Variants in LAPTM4B observed in about 807,000 individuals in gnomAD.
LAPTM4B encodes the protein lysosomal-associated transmembrane protein 4B.
Under a neutral mutation model 28.5 loss-of-function variants are expected in LAPTM4B, and 26 were observed. The observed-to-expected ratio is 0.91, with a 90% CI of 0.67 to 1.27. LAPTM4B has a LOEUF of 1.27. LAPTM4B is among the 50% of genes most tolerant of loss of function. The probability of loss-of-function intolerance (pLI) is 0.00; values close to 1 mark genes in which losing one functional copy is unlikely to be tolerated. For missense variants in LAPTM4B, 288 were observed against 285.8 expected, an observed-to-expected ratio of 1.01 and a Z score of -0.06; for synonymous variants, 109 against 106.4, an observed-to-expected ratio of 1.02 and a Z score of -0.15.
chr8:97,781,521 G>C (rs1344377201), intron 1 of LAPTM4B, among the ~76,000 whole-genome samples: 1 of 140,442 alleles, frequency 7.1e-6, no homozygotes, highest in African/African-American at 2.7e-5. Context: ...CAGGTGATCC[G>C]CCCGCCTCGG....
chr8:97,810,241 A>C (rs2129780477), intron 2 of LAPTM4B, among the ~76,000 whole-genome samples: 1 of 152,296 alleles, frequency 6.6e-6, no homozygotes, highest in East Asian at 1.9e-4. Flanking sequence ...TCAGTGTTAT[A>C]AAAATTGACT....
chr8:97,783,062 C>T (rs887420558), intron 1 of LAPTM4B, among the ~76,000 whole-genome samples: 9 of 138,484 alleles, frequency 6.5e-5, no homozygotes, highest in Admixed American at 1.5e-4. Flanking sequence ...TGTGAGCCAC[C>T]GCGCCCGGCC....
At chr8:97,789,046 ATT>A in intron 1 of LAPTM4B, among the ~76,000 whole-genome samples, 1 of 12,040 alleles carries the variant, frequency 8.3e-5, no homozygotes, top group East Asian at 2.2e-3. Flanking sequence ...CTCTTTATTT[ATT>A]TATTTATTTA....
intron 2 of LAPTM4B, 66 bp from the exon 3 acceptor site, chr8:97,815,260 CTG>C (rs1291036687): frequency 3.5e-6 from 4 of 1,154,432 alleles, no homozygotes; most frequent in African/African-American, 1.5e-5. Context: ...TGAGAAGAGA[CTG>C]AAAGTATTCA....
intron 1 of LAPTM4B, among the ~76,000 whole-genome samples, chr8:97,801,107 A>G (rs1302216298): frequency 6.6e-6 from 1 of 151,312 alleles, no homozygotes; most frequent in Admixed American, 6.6e-5. Flanking sequence ...ATGTTTTTTC[A>G]TTTCAGCTTT....
chr8:97,776,457 C>T (rs1208539292), intron 1 of LAPTM4B, among the ~76,000 whole-genome samples: 1 of 152,254 alleles, frequency 6.6e-6, no homozygotes, highest in East Asian at 1.9e-4. Flanking sequence ...CTGCCGAGCA[C>T]GTGTTTCCTT....
At chr8:97,801,282 A>G (rs1563606644) in intron 1 of LAPTM4B, among the ~76,000 whole-genome samples, 1 of 151,186 alleles carries the variant, frequency 6.6e-6, no homozygotes, top group Non-Finnish European at 1.5e-5. Context: ...ACTGGGTTCA[A>G]GCGATTCTCC....
intron 6 of LAPTM4B, among the ~76,000 whole-genome samples, chr8:97,839,208 T>C (rs1261887764): frequency 6.6e-6 from 1 of 152,224 alleles, no homozygotes; most frequent in Non-Finnish European, 1.5e-5. Context: ...GTTTTGTTTT[T>C]GGTGAGATGG....
rs756586269 is a variant in LAPTM4B, at chr8:97,816,195, T to C, written c.408+15T>C. 1.9e-6 allele frequency: 3 copies of C among 1,583,276 alleles called. No homozygotes were observed. The African/African-American group carries it at 4.0e-5, about 21-fold the overall frequency. ...TACGGCAACTGGTACGTGGACCTCT[T>C]ACTGCTCCTTTTCATTAATTCTTTT... is the stretch of plus-strand genomic sequence containing the variant. On this transcript the variant is annotated intron_variant, in intron 4 of 6. Coordinates refer to ENST00000521545, the MANE Select transcript of LAPTM4B (RefSeq NM_018407.6).
intron 5 of LAPTM4B, among the ~76,000 whole-genome samples, chr8:97,822,082 G>A (rs1039895663): frequency 1.6e-4 from 24 of 152,004 alleles, no homozygotes; most frequent in African/African-American, 4.8e-4. Flanking sequence ...CAGCTCCTCC[G>A]CTCCAGTTTC....
intron 6 of LAPTM4B, among the ~76,000 whole-genome samples, chr8:97,827,860 GGGGAAGGGGTCACAGGC>G (rs1244362926): frequency 1.3e-5 from 2 of 152,162 alleles, no homozygotes; most frequent in Non-Finnish European, 2.9e-5. Flanking sequence ...ATTGCGGGCA[GGGGAAGGGGTCACAGGC>G]GGGAAGGGTC....
chr8:97,829,614 C>T lies in LAPTM4B; in HGVS notation c.603+4461C>T, dbSNP rs1302368063. On this transcript the variant is annotated intron_variant, in intron 6 of 6. Coordinates refer to ENST00000521545, the MANE Select transcript of LAPTM4B (RefSeq NM_018407.6). ...GGAATTGATGTAGGGAGATAGACCT[C>T]GTAGGTAGGTAGGGAGAAGAGCAGC... 5.9e-5 allele frequency among the ~76,000 whole-genome samples: 9 copies of T among 151,664 alleles called. No individual in the cohort carries two copies. The South Asian group carries it at 6.3e-4, about 11-fold the overall frequency.
At chr8:97,819,057 A>T in intron 4 of LAPTM4B, 83 bp from the exon 5 acceptor site, 1 of 834,252 alleles carries the variant, frequency 1.2e-6, no homozygotes, top group Non-Finnish European at 2.0e-6. Context: ...TTGCTTTCTG[A>T]TAAGCATGTC....
At chr8:97,822,983 A>G (rs1439551679) in intron 5 of LAPTM4B, among the ~76,000 whole-genome samples, 1 of 152,012 alleles carries the variant, frequency 6.6e-6, no homozygotes, top group Non-Finnish European at 1.5e-5. Flanking sequence ...TTGGGACTAC[A>G]GGCGCCTGCC....
At chr8:97,836,522 C>T (rs1817261789) in intron 6 of LAPTM4B, among the ~76,000 whole-genome samples, 1 of 152,024 alleles carries the variant, frequency 6.6e-6, no homozygotes. Context: ...ACCTATGTGA[C>T]CTTGTTTACT....
intron 1 of LAPTM4B, among the ~76,000 whole-genome samples, chr8:97,792,995 T>C (rs771533202): frequency 6.6e-6 from 1 of 151,932 alleles, no homozygotes; most frequent in Non-Finnish European, 1.5e-5. Flanking sequence ...TCAGAAATCA[T>C]ACAAAGGATA....
At chr8:97,847,603 G>GT (rs1217957081) in intron 6 of LAPTM4B, among the ~76,000 whole-genome samples, 1 of 152,152 alleles carries the variant, frequency 6.6e-6, no homozygotes. Flanking sequence ...TCAGATTTTA[G>GT]TATACTTGAC....
chr8:97,803,560 C>T (rs1054056254), intron 1 of LAPTM4B, among the ~76,000 whole-genome samples: 1 of 152,196 alleles, frequency 6.6e-6, no homozygotes, highest in Non-Finnish European at 1.5e-5. Flanking sequence ...AGGTGTGAGC[C>T]ACCGTGCCGG....
At chr8:97,798,093 G>A (rs1816619051) in intron 1 of LAPTM4B, among the ~76,000 whole-genome samples, 1 of 152,212 alleles carries the variant, frequency 6.6e-6, no homozygotes, top group Non-Finnish European at 1.5e-5. Context: ...TGGCAAGCCT[G>A]AGCGTCGTCT....
Sources: allele counts gnomAD v4.1 joint callset (sites outside exome capture counted in the v4.1 genomes callset), GRCh38; gene constraint gnomAD v4.1.1; transcripts MANE v1.5; gene names NCBI Gene and HGNC (gene_info 2026-07-23, HGNC 2026-07-21).